The following UTRN variants were observed in gnomAD, a reference collection of about 807,000 sequenced individuals.
UTRN encodes the protein dystrophin-related protein 1.
A neutral mutation model predicts 463.9 loss-of-function variants in UTRN; 283 were observed. The ratio of observed to expected loss-of-function variants is 0.61; its 90% CI spans 0.55 to 0.67. The LOEUF is 0.67. UTRN is among the 30% of genes least tolerant of loss of function. UTRN has a pLI of 0.00. For missense variants in UTRN, 3,922 were observed against 4,084.3 expected (o/e 0.96, Z 1.08); for synonymous variants, 1,442 against 1,431.5 (o/e 1.01, Z -0.17).
chr6:144,496,812 T>G (rs1793691790), intron 33 of UTRN, among the ~76,000 whole-genome samples: 1 of 152,196 alleles, frequency 6.6e-6, no homozygotes, highest in Non-Finnish European at 1.5e-5. Flanking sequence ...TTAGGAAGGC[T>G]TCCCTGAGGA....
intron 54 of UTRN, among the ~76,000 whole-genome samples, chr6:144,730,846 A>G (rs1220568921): frequency 1.3e-5 from 2 of 151,500 alleles, no homozygotes; most frequent in Non-Finnish European, 3.0e-5. Flanking sequence ...TTAAAATATA[A>G]TAAATATACA....
chr6:144,832,711 T>G (rs1780769135), intron 69 of UTRN, among the ~76,000 whole-genome samples: 1 of 152,224 alleles, frequency 6.6e-6, no homozygotes, highest in Non-Finnish European at 1.5e-5. Flanking sequence ...CTTGTTGTCC[T>G]TATATTAGTT....
At chr6:144,725,533 G>A (rs925211252) in intron 53 of UTRN, among the ~76,000 whole-genome samples, 1 of 152,158 alleles carries the variant, frequency 6.6e-6, no homozygotes, top group Admixed American at 6.5e-5. Context: ...ATTATATTAT[G>A]TTATATGCAT....
intron 52 of UTRN, among the ~76,000 whole-genome samples, chr6:144,683,243 G>C (rs1782390163): frequency 6.6e-6 from 1 of 152,176 alleles, no homozygotes; most frequent in Admixed American, 6.5e-5. Flanking sequence ...ACATGGAAGA[G>C]TAGAAAAGAA....
At chr6:144,831,060 A>G (rs1274067504) in intron 69 of UTRN, among the ~76,000 whole-genome samples, 1 of 152,188 alleles carries the variant, frequency 6.6e-6, no homozygotes, top group Non-Finnish European at 1.5e-5. Context: ...CAATAGGTCT[A>G]TAGATGCAGA....
chr6:144,511,012 G>A lies in UTRN; in HGVS notation c.4833G>A (p.Leu1611=). The A allele has an allele frequency of 6.2e-7, 1 of 1,613,242 alleles. No homozygotes were observed. Among genetic ancestry groups the A allele is most frequent in the Non-Finnish European group, 8.5e-7 (1 of 1,179,382 alleles). ...CCATCACAGAGAGTAGTGCTGCCCT[G>A]CAAAACTTGATTGAGGGCAGTGAGC... is the stretch of plus-strand genomic sequence containing the variant. The part of the protein sequence containing the change: ...LNTITESSAA[L]QNLIEGSEPI... Residue 1611 remains leucine (L), a synonymous_variant, in exon 35 of 75, where the codon CTG becomes CTA. Transcript: ENST00000367545.
At chr6:144,369,592 G>A (rs891100393) in intron 2 of UTRN, among the ~76,000 whole-genome samples, 2 of 152,186 alleles carry the variant, frequency 1.3e-5, no homozygotes, top group African/African-American at 4.8e-5. Flanking sequence ...CTCCAGCCTG[G>A]CAACAGAGCG....
chr6:144,563,667 TTTTG>T (rs1253275893), intron 50 of UTRN, among the ~76,000 whole-genome samples: 1 of 152,186 alleles, frequency 6.6e-6, no homozygotes, highest in African/African-American at 2.4e-5. Flanking sequence ...TTTCAACTTG[TTTTG>T]TTTATTTTCT....
chr6:144,433,678 G>T (rs1359330722), intron 9 of UTRN, among the ~76,000 whole-genome samples: 1 of 152,108 alleles, frequency 6.6e-6, no homozygotes, highest in South Asian at 2.1e-4. Context: ...TCGCGGCCGG[G>T]CAGAGGCACT....
intron 51 of UTRN, among the ~76,000 whole-genome samples, chr6:144,593,320 T>C (rs1422533610): frequency 6.6e-6 from 1 of 152,044 alleles, no homozygotes; most frequent in East Asian, 1.9e-4. Context: ...CTGATTGCAA[T>C]TTGCTTTAGG....
chr6:144,668,174 T>C (rs1476995882), intron 51 of UTRN, among the ~76,000 whole-genome samples: 4 of 152,184 alleles, frequency 2.6e-5, no homozygotes, highest in Non-Finnish European at 4.4e-5. Context: ...GAAATAATAC[T>C]AGGTCAGTGC....
intron 30 of UTRN, 29 bp downstream of exon 30, chr6:144,488,863 G>A (rs746728422): frequency 1.3e-6 from 2 of 1,539,960 alleles, no homozygotes; most frequent in South Asian, 1.3e-5. Flanking sequence ...GGGCTTTTGA[G>A]CTGTAAAGAG....
chr6:144,326,861 G>A (rs1776006087), intron 2 of UTRN, among the ~76,000 whole-genome samples: 1 of 152,180 alleles, frequency 6.6e-6, no homozygotes, highest in South Asian at 2.1e-4. Context: ...CAAGGAGGGA[G>A]AAAATGATTT....
intron 50 of UTRN, among the ~76,000 whole-genome samples, chr6:144,575,751 A>T (rs1394693850): frequency 6.6e-6 from 1 of 152,120 alleles, no homozygotes; most frequent in South Asian, 2.1e-4. Context: ...TTCACTGGGG[A>T]TGTTGAAATG....
At position 144,827,221 on chromosome 6, in the gene UTRN, C is replaced by T. The variant is rs1780260770; in HGVS notation, c.9495-127C>T. The T allele has an allele frequency of 5.5e-6, 6 of 1,081,694 alleles. No individual in the cohort carries two copies. The South Asian group carries it at 7.3e-5, about 13-fold the overall frequency. The allele number at this position is 1,081,694 out of a possible 1,614,324, so 67.0% of individuals were successfully genotyped here. A position where few individuals can be genotyped will look rare whatever the true frequency, so the allele number is the denominator to read the frequency against. On this transcript the variant is annotated intron_variant, in intron 66 of 74. Transcript: ENST00000367545. ...GTTACTTTTGATTTCCCCATGGTGG[C>T]TCTCAGGGCAACCACATATATGAGC...
At chr6:144,553,712 C>T (rs1037845932) in intron 48 of UTRN, among the ~76,000 whole-genome samples, 2 of 151,956 alleles carry the variant, frequency 1.3e-5, no homozygotes, top group Non-Finnish European at 2.9e-5. Context: ...GTCAGGAGTT[C>T]GAGACCTGGC....
Position 144,535,557 on chromosome 6 carries a change from A to G in UTRN, c.6234-2025A>G, listed in dbSNP as rs539382729. 2.1e-3 allele frequency among the ~76,000 whole-genome samples: 327 copies of G among 152,342 alleles called. 1 individual carries two copies. Among genetic ancestry groups the G allele is most frequent in the African/African-American group, 7.4e-3 (308 of 41,564 alleles). On this transcript the variant is annotated intron_variant, in intron 43 of 74. Coordinates refer to ENST00000367545, the MANE Select transcript of UTRN (RefSeq NM_007124.3). ...TTTTTGGAAGTGAAAAGAATAATGA[A>G]TCTCTTCCCCAACAGCTTATATTTT...
At chr6:144,534,291 T>G (rs1355170249) in intron 43 of UTRN, among the ~76,000 whole-genome samples, 1 of 152,194 alleles carries the variant, frequency 6.6e-6, no homozygotes, top group African/African-American at 2.4e-5. Context: ...ATGACTCACC[T>G]CTTAGGGGAC....
At chr6:144,431,754 C>T (rs1785870733) in intron 9 of UTRN, among the ~76,000 whole-genome samples, 2 of 152,136 alleles carry the variant, frequency 1.3e-5, no homozygotes, top group South Asian at 4.2e-4. Context: ...AAATGATCTC[C>T]AGGGGTTATT....
Sources: allele counts gnomAD v4.1 joint callset (sites outside exome capture counted in the v4.1 genomes callset), GRCh38; gene constraint gnomAD v4.1.1; transcripts MANE v1.5; gene names NCBI Gene and HGNC (gene_info 2026-07-23, HGNC 2026-07-21).